MBNL2: variants seen among roughly 807,000 people sequenced by gnomAD.
The protein encoded by MBNL2 is muscleblind like splicing regulator 2.
MBNL2 carries 17 observed loss-of-function variants against 41.9 expected under a neutral mutation model. That is an observed-to-expected ratio of 0.41 (90% CI 0.28 to 0.61). MBNL2 has a LOEUF of 0.61. Ranked by LOEUF, MBNL2 falls within the 20% of genes least tolerant of loss-of-function variation. The pLI is 0.35. For synonymous variants in MBNL2, 195 were observed against 182.9 expected, an observed-to-expected ratio of 1.07 and a Z score of -0.53; for missense variants, 336 against 505.6, an observed-to-expected ratio of 0.66 and a Z score of 3.22.
chr13:97,347,009 A>C lies in MBNL2; in HGVS notation c.746A>C (p.His249Pro). 1 of 1,613,232 alleles carries C rather than the reference A, an allele frequency of 6.2e-7. No homozygotes were observed. Among genetic ancestry groups the C allele is most frequent in the Non-Finnish European group, 8.5e-7 (1 of 1,179,572 alleles). Residue 249 changes from histidine (H) to proline (P), a missense_variant, in exon 5 of 9, where the codon CAC becomes CCC. By Grantham distance (77) the His-to-Pro change is moderately conservative. Transcript: ENST00000679496. ...HLQAKIKAAQ[H>P]QANQAAVAAQ... Reference sequence around the variant, plus strand: ...CAGGCCAAAATCAAAGCTGCGCAGCACCAAGCCAACCAAGCTGCGGTGGCC... The same window carrying C: ...CAGGCCAAAATCAAAGCTGCGCAGCCCCAAGCCAACCAAGCTGCGGTGGCC...
the MBNL2 span, among the ~76,000 whole-genome samples, chr13:97,161,338 C>G: frequency 1.3e-5 from 2 of 152,168 alleles, no homozygotes; most frequent in African/African-American, 4.8e-5. Flanking sequence ...ATCATCATCT[C>G]AAATTTTTTT....
chr13:97,267,010 G>C (rs962312043), intron 1 of MBNL2, among the ~76,000 whole-genome samples: 2 of 152,204 alleles, frequency 1.3e-5, no homozygotes, highest in African/African-American at 4.8e-5. Flanking sequence ...ACTGTGTGCT[G>C]CAGAATTATT....
rs192910603 is a variant in MBNL2 at position 97,270,733 on chromosome 13, T to G, written c.-604-4899T>G. The stretch of plus-strand genomic sequence containing the variant: ...AACTGGCAGGCTAGTAAGTCCAATA[T>G]TCTATTACATCTATATGTTGGCATA... On this transcript the variant is annotated intron_variant, in intron 1 of 8. Coordinates refer to ENST00000679496, the MANE Select transcript of MBNL2 (RefSeq NM_001382683.1). 2.2e-3 allele frequency among the ~76,000 whole-genome samples: 339 copies of G among 152,264 alleles called. 1 individual carries two copies. The highest frequency in any genetic ancestry group is 7.3e-3 in the African/African-American group (305 of 41,562).
chr13:97,352,697 C>T (rs1044261717), intron 5 of MBNL2, among the ~76,000 whole-genome samples: 14 of 152,218 alleles, frequency 9.2e-5, no homozygotes, highest in African/African-American at 3.4e-4. Context: ...ATAGACTCAA[C>T]ATAGGGTTGC....
At chr13:97,156,920 A>G in the MBNL2 span, among the ~76,000 whole-genome samples, 1 of 151,940 alleles carries the variant, frequency 6.6e-6, no homozygotes, top group South Asian at 2.1e-4. Context: ...GTTTTTTCCA[A>G]TTCTGTGAAG....
chr13:97,333,994 AAGAGAAAG>A (rs1167128038), intron 2 of MBNL2, among the ~76,000 whole-genome samples: 142 of 113,426 alleles, frequency 1.3e-3, no homozygotes, highest in African/African-American at 4.0e-3. Flanking sequence ...GAGGGAAAGA[AAGAGAAAG>A]AGAGAAAGAG....
chr13:97,192,908 G>A, the MBNL2 span, among the ~76,000 whole-genome samples: 18 of 152,208 alleles, frequency 1.2e-4, no homozygotes, highest in East Asian at 5.8e-4. Flanking sequence ...GGAAGCCAGC[G>A]GGTGAAAAAT....
chr13:97,264,068 T>C (rs1199138841), intron 1 of MBNL2, among the ~76,000 whole-genome samples: 1 of 151,134 alleles, frequency 6.6e-6, no homozygotes, highest in East Asian at 2.0e-4. Flanking sequence ...GGGAGTGCAC[T>C]GATGCAATCT....
intron 2 of MBNL2, among the ~76,000 whole-genome samples, chr13:97,328,890 C>G (rs1285470858): frequency 6.6e-6 from 1 of 151,980 alleles, no homozygotes; most frequent in African/African-American, 2.4e-5. Flanking sequence ...CCAAAAATTA[C>G]TTGTTTTAAA....
Position 97,392,117 on chromosome 13 carries a change from A to C in MBNL2, c.*668A>C, listed in dbSNP as rs1365754076. The C allele has an allele frequency of 6.6e-6, 1 of 152,660 alleles. No homozygotes were observed. The highest frequency in any genetic ancestry group is 1.5e-5 in the Non-Finnish European group (1 of 68,016). The allele number at this position is 152,660 out of a possible 1,614,324, so 9.5% of individuals were successfully genotyped here. A position where few individuals can be genotyped will look rare whatever the true frequency, so the allele number is the denominator to read the frequency against. On this transcript the variant is annotated 3_prime_UTR_variant, in exon 9 of 9. Transcript: ENST00000679496. ...ACAAGTATATTTTTAAAGTTGTTTTATAAGAGAGACTTTGTAGAAGTGCCT... is the reference window on the plus strand; with the variant it reads ...ACAAGTATATTTTTAAAGTTGTTTTCTAAGAGAGACTTTGTAGAAGTGCCT...
At chr13:97,162,613 G>A in the MBNL2 span, among the ~76,000 whole-genome samples, 1 of 152,136 alleles carries the variant, frequency 6.6e-6, no homozygotes, top group Admixed American at 6.5e-5. Context: ...TGTGTATCTA[G>A]CGCTCCTCAC....
the MBNL2 span, among the ~76,000 whole-genome samples, chr13:97,159,270 T>A: frequency 1.3e-5 from 2 of 151,886 alleles, no homozygotes; most frequent in Admixed American, 1.3e-4. Context: ...TCCATCCTTT[T>A]ATTTTGAGCC....
the MBNL2 span, among the ~76,000 whole-genome samples, chr13:97,210,859 T>C: frequency 2.0e-5 from 3 of 152,134 alleles, no homozygotes; most frequent in African/African-American, 4.8e-5. Flanking sequence ...AAAGTCAGTA[T>C]TGAAACTTCT....
intron 8 of MBNL2, among the ~76,000 whole-genome samples, chr13:97,380,194 C>T (rs1173030249): frequency 2.6e-5 from 4 of 152,206 alleles, no homozygotes; most frequent in South Asian, 2.1e-4. Context: ...AACAAATGTA[C>T]GCTAAGAACC....
chr13:97,362,269 T>C (rs910281257), intron 7 of MBNL2, among the ~76,000 whole-genome samples: 1 of 152,106 alleles, frequency 6.6e-6, no homozygotes, highest in Admixed American at 6.5e-5. Flanking sequence ...ACTCAAAAAG[T>C]TTTGGATTTT....
chr13:97,168,108 G>A, the MBNL2 span, among the ~76,000 whole-genome samples: 3 of 152,050 alleles, frequency 2.0e-5, no homozygotes, highest in Admixed American at 2.0e-4. Flanking sequence ...TGAGATTACA[G>A]GCATGTGCCA....
intron 1 of MBNL2, among the ~76,000 whole-genome samples, chr13:97,232,791 G>C (rs891455017): frequency 2.0e-5 from 3 of 151,522 alleles, no homozygotes; most frequent in Non-Finnish European, 4.4e-5. Flanking sequence ...AGGATAGCTA[G>C]GGCATCATCT....
intron 1 of MBNL2, among the ~76,000 whole-genome samples, chr13:97,263,174 A>G (rs1379778820): frequency 2.0e-5 from 3 of 152,194 alleles, no homozygotes; most frequent in Admixed American, 1.3e-4. Context: ...TGACCTCAGC[A>G]GTAACACCTC....
the MBNL2 span, among the ~76,000 whole-genome samples, chr13:97,193,036 A>G: frequency 6.6e-6 from 1 of 152,260 alleles, no homozygotes; most frequent in African/African-American, 2.4e-5. Context: ...ACCCAAGTCT[A>G]AAGAACCCTG....
Sources: gnomAD v4.1 joint callset for allele counts (sites outside exome capture counted in the v4.1 genomes callset) on GRCh38, gnomAD v4.1.1 for gene constraint, MANE v1.5 for transcripts, NCBI Gene and HGNC (gene_info 2026-07-23, HGNC 2026-07-21) for gene names.